The following CD226 variants were observed in gnomAD, a reference collection of about 807,000 sequenced individuals.
CD226 encodes CD226 antigen.
A neutral mutation model predicts 34.9 loss-of-function variants in CD226; 24 were observed. The observed-to-expected ratio is 0.69, with a 90% CI of 0.50 to 0.97. CD226 has a LOEUF of 0.97. CD226 is among the 50% of genes least tolerant of loss of function. CD226 has a pLI of 0.00. For missense variants in CD226, 397 were observed against 412.7 expected (o/e 0.96, Z 0.33); for synonymous variants, 148 against 147.4 (o/e 1.00, Z -0.03).
At chr18:69,930,808 T>C (rs955349988) in intron 2 of CD226, among the ~76,000 whole-genome samples, 2 of 152,178 alleles carry the variant, frequency 1.3e-5, no homozygotes, top group African/African-American at 2.4e-5. Context: ...AGGTGCTCCA[T>C]AAAGCTCAGG....
At chr18:69,950,792 G>T (rs1326647650), upstream of CD226, among the ~76,000 whole-genome samples, 2 of 152,132 alleles carry the variant, frequency 1.3e-5, no homozygotes, top group Non-Finnish European at 2.9e-5. Flanking sequence ...AGCGATTGGA[G>T]ATTGTTAAGC....
intron 2 of CD226, among the ~76,000 whole-genome samples, chr18:69,899,082 T>A (rs1985464231): frequency 6.6e-6 from 1 of 152,230 alleles, no homozygotes; most frequent in South Asian, 2.1e-4. Flanking sequence ...GATATCATGA[T>A]TAAATATTCT....
chr18:69,901,646 G>A lies in CD226; in HGVS notation c.383-5601C>T, dbSNP rs887009381. On this transcript the variant is annotated intron_variant, in intron 2 of 5. Coordinates refer to ENST00000582621, the MANE Select transcript of CD226 (RefSeq NM_001303618.2). ...CTGTAATCCAGCACTTTGGGAGGCC[G>A]AGGCAGGCAGATCACGAGGTCAGGA... Among the ~76,000 whole-genome samples the A allele has an allele frequency of 5.3e-5, 8 of 152,098 alleles. No homozygotes were observed. In the South Asian group the frequency reaches 1.0e-3, roughly 20 times the overall value.
At chr18:69,958,400 G>A (rs900219244), upstream of CD226, among the ~76,000 whole-genome samples, 4 of 152,078 alleles carry the variant, frequency 2.6e-5, no homozygotes, top group Non-Finnish European at 5.9e-5. Context: ...ATCTGCCATC[G>A]TTGGGGCTGC....
intron 2 of CD226, among the ~76,000 whole-genome samples, chr18:69,900,396 G>A (rs1350543809): frequency 3.9e-5 from 6 of 152,254 alleles, no homozygotes; most frequent in African/African-American, 1.4e-4. Flanking sequence ...ATTTACCTAT[G>A]CAACAAACCT....
In CD226 at chr18:69,873,347, C is replaced by T. The variant is rs1983661719; in HGVS notation, c.728-101G>A. On this transcript the variant is annotated intron_variant, in intron 3 of 5. Coordinates refer to ENST00000582621, the MANE Select transcript of CD226 (RefSeq NM_001303618.2). ...AAAAGATACATTAATTATTGAGTAACAAAAACAAAGAATCCAACAAAAAAA... is the reference window on the plus strand; with the variant it reads ...AAAAGATACATTAATTATTGAGTAATAAAAACAAAGAATCCAACAAAAAAA... 3 of 627,886 alleles carry T rather than the reference C, an allele frequency of 4.8e-6. No homozygotes were observed. In the South Asian group the frequency reaches 6.0e-5, roughly 12 times the overall value. The allele number at this position is 627,886 out of a possible 1,614,324, so 38.9% of individuals were successfully genotyped here.
At chr18:69,880,653 C>CAT (rs1555678504) in intron 3 of CD226, among the ~76,000 whole-genome samples, 19 of 138,318 alleles carry the variant, frequency 1.4e-4, no homozygotes, top group African/African-American at 1.9e-4. Flanking sequence ...CTTAAGATTT[C>CAT]TTTTTTTTTT....
At chr18:69,926,809 C>A (rs1031483423) in intron 2 of CD226, among the ~76,000 whole-genome samples, 2 of 152,132 alleles carry the variant, frequency 1.3e-5, no homozygotes, top group Non-Finnish European at 2.9e-5. Context: ...AACTGAAGCT[C>A]AGAAAAATGA....
At chr18:69,869,196 A>T (rs1487213732) in intron 4 of CD226, among the ~76,000 whole-genome samples, 4 of 152,224 alleles carry the variant, frequency 2.6e-5, no homozygotes, top group Non-Finnish European at 5.9e-5. Flanking sequence ...TATAAGACAC[A>T]TGCAAGCATG....
At position 69,857,515 on chromosome 18, in the gene CD226, A is replaced by T. The variant is rs1982646813; in HGVS notation, c.*6799T>A. The T allele has an allele frequency of 6.6e-6, 1 of 152,234 alleles. No individual in the cohort carries two copies. Among genetic ancestry groups the T allele is most frequent in the African/African-American group, 2.4e-5 (1 of 41,462 alleles). 9.4% of individuals were successfully genotyped at this position (152,234 alleles called of 1,614,324 possible). A position where few individuals can be genotyped will look rare whatever the true frequency, so the allele number is the denominator to read the frequency against. On this transcript the variant is annotated 3_prime_UTR_variant, in exon 6 of 6. Coordinates refer to ENST00000582621, the MANE Select transcript of CD226 (RefSeq NM_001303618.2). ...TACTTTTGGATACCTGGCATAAAGGATGTAATGAATACATGATTGAATAAG... is the reference window on the plus strand; with the variant it reads ...TACTTTTGGATACCTGGCATAAAGGTTGTAATGAATACATGATTGAATAAG...
intron 2 of CD226, among the ~76,000 whole-genome samples, chr18:69,897,349 C>G (rs1985358858): frequency 2.0e-5 from 3 of 152,168 alleles, no homozygotes. Flanking sequence ...TGTGGTAACT[C>G]TTTCTTAAAA....
intron 3 of CD226, among the ~76,000 whole-genome samples, chr18:69,877,747 C>T (rs1293293886): frequency 6.6e-6 from 1 of 152,166 alleles, no homozygotes; most frequent in African/African-American, 2.4e-5. Context: ...ATCTGCATAT[C>T]CTAATACCAC....
At chr18:69,957,556 AT>A (rs556752370), upstream of CD226, among the ~76,000 whole-genome samples, 190 of 152,250 alleles carry the variant, frequency 1.2e-3, no homozygotes, top group South Asian at 3.1e-3. Flanking sequence ...ACCATGAAGG[AT>A]TGTGGCTGAG....
intron 5 of CD226, among the ~76,000 whole-genome samples, chr18:69,866,791 A>G (rs114551811): frequency 5.3e-4 from 80 of 152,266 alleles, no homozygotes; most frequent in African/African-American, 1.5e-3. Context: ...TGGGCCTTTA[A>G]GTCCAAGATA....
At chr18:69,882,817 C>T (rs1568167004) in intron 3 of CD226, among the ~76,000 whole-genome samples, 1 of 152,160 alleles carries the variant, frequency 6.6e-6, no homozygotes, top group Non-Finnish European at 1.5e-5. Context: ...GCACATGCCA[C>T]CAGGCCCAGC....
chr18:69,943,867 T>A (rs972890504), intron 2 of CD226, among the ~76,000 whole-genome samples: 4 of 151,798 alleles, frequency 2.6e-5, no homozygotes, highest in African/African-American at 7.3e-5. Context: ...AAGCTATCAA[T>A]AAATAGCAAA....
In CD226 at chr18:69,947,470, T is replaced by C. The variant is rs1312225485; in HGVS notation, c.-64A>G. 12 of 990,572 alleles carry C rather than the reference T, an allele frequency of 1.2e-5. No homozygotes were observed. The highest frequency in any genetic ancestry group is 1.7e-5 in the Non-Finnish European group (11 of 647,232). The allele number at this position is 990,572 out of a possible 1,614,324, so 61.4% of individuals were successfully genotyped here. A position where few individuals can be genotyped will look rare whatever the true frequency, so the allele number is the denominator to read the frequency against. On this transcript the variant is annotated 5_prime_UTR_variant, in exon 1 of 6. It removes an upstream start codon present in the reference 5' UTR. Transcript: ENST00000582621. ...AAAAATTGCTTTTTATAATGTGACA[T>C]GCAGATCCCCAGCACAATGCAGTTT... is the stretch of plus-strand genomic sequence containing the variant.
chr18:69,923,978 A>AT (rs2055488994), intron 2 of CD226, among the ~76,000 whole-genome samples: 1 of 151,398 alleles, frequency 6.6e-6, no homozygotes, highest in African/African-American at 2.4e-5. Flanking sequence ...AAATCAATGG[A>AT]GTATTGTGTC....
intron 3 of CD226, among the ~76,000 whole-genome samples, chr18:69,885,445 A>C (rs1984501509): frequency 6.6e-6 from 1 of 152,202 alleles, no homozygotes; most frequent in Non-Finnish European, 1.5e-5. Context: ...AGGATTTGAC[A>C]GGAAGAGAAG....
Sources: gnomAD v4.1 joint callset for allele counts (sites outside exome capture counted in the v4.1 genomes callset) on GRCh38, gnomAD v4.1.1 for gene constraint, MANE v1.5 for transcripts, NCBI Gene and HGNC (gene_info 2026-07-23, HGNC 2026-07-21) for gene names.